Variants in ZNF385D observed in about 807,000 individuals in gnomAD.
ZNF385D encodes zinc finger protein 385D.
A neutral mutation model predicts 35.8 loss-of-function variants in ZNF385D; 15 were observed. That is an observed-to-expected ratio of 0.42 (90% CI 0.28 to 0.64). The LOEUF (loss-of-function observed/expected upper bound fraction) is 0.64, where lower values mean the gene tolerates loss of function less well. Ranked by LOEUF, ZNF385D falls within the 30% of genes least tolerant of loss-of-function variation. ZNF385D has a pLI of 0.23. For synonymous variants in ZNF385D, 212 were observed against 186.8 expected (o/e 1.13, Z -1.10); for missense variants, 474 against 494.6 (o/e 0.96, Z 0.39).
chr3:21,818,386 G>C (rs1428380636), intron 3 of ZNF385D, among the ~76,000 whole-genome samples: 1 of 152,162 alleles, frequency 6.6e-6, no homozygotes, highest in Admixed American at 6.5e-5. Flanking sequence ...TCCCCTGTTT[G>C]CAACTTGATT....
intron 3 of ZNF385D, among the ~76,000 whole-genome samples, chr3:21,809,651 CA>C (rs1383447032): frequency 8.8e-6 from 1 of 113,400 alleles, no homozygotes; most frequent in African/African-American, 3.1e-5. Context: ...TATACATATA[CA>C]TATACATATA....
At chr3:21,595,103 A>T (rs1410197302) in intron 2 of ZNF385D, among the ~76,000 whole-genome samples, 1 of 152,204 alleles carries the variant, frequency 6.6e-6, no homozygotes, top group African/African-American at 2.4e-5. Context: ...CCTGTAAAAC[A>T]TGCTTACCAG....
intron 4 of ZNF385D, among the ~76,000 whole-genome samples, chr3:21,510,526 A>G (rs141502405): frequency 6.6e-6 from 1 of 152,318 alleles, no homozygotes; most frequent in East Asian, 1.9e-4. Flanking sequence ...GTTATAAGCT[A>G]AGGTGCTGCA....
At chr3:21,954,790 C>T (rs1485103871) in intron 3 of ZNF385D, among the ~76,000 whole-genome samples, 1 of 152,106 alleles carries the variant, frequency 6.6e-6, no homozygotes, top group Non-Finnish European at 1.5e-5. Context: ...GACATCCCCA[C>T]CCTCACTTCC....
intron 3 of ZNF385D, among the ~76,000 whole-genome samples, chr3:22,058,870 T>G (rs979039833): frequency 6.6e-6 from 1 of 152,218 alleles, no homozygotes; most frequent in African/African-American, 2.4e-5. Flanking sequence ...TGGGGACCAC[T>G]ATCCACCTCC....
chr3:21,544,738 TTC>T (rs2062310935), intron 3 of ZNF385D, among the ~76,000 whole-genome samples: 2 of 152,218 alleles, frequency 1.3e-5, no homozygotes, highest in Admixed American at 6.5e-5. Flanking sequence ...TCTTTAAAAT[TTC>T]TGAGTCATCA....
chr3:22,003,329 G>A (rs949690687), intron 3 of ZNF385D, among the ~76,000 whole-genome samples: 1 of 151,988 alleles, frequency 6.6e-6, no homozygotes, highest in Non-Finnish European at 1.5e-5. Flanking sequence ...ATTTACAATA[G>A]CTGCAAAAAA....
intron 3 of ZNF385D, among the ~76,000 whole-genome samples, chr3:22,005,495 C>A (rs1430403084): frequency 8.6e-5 from 13 of 151,848 alleles, no homozygotes; most frequent in Non-Finnish European, 4.4e-5. Flanking sequence ...AGAAAAGATT[C>A]GAAATATTTT....
intron 3 of ZNF385D, among the ~76,000 whole-genome samples, chr3:22,100,418 G>C (rs1382493230): frequency 2.7e-5 from 4 of 150,288 alleles, no homozygotes; most frequent in Non-Finnish European, 5.9e-5. Flanking sequence ...CAATAGCAAA[G>C]ACTTGGAACC....
At chr3:22,316,394 G>A (rs1475162779) in intron 2 of ZNF385D, among the ~76,000 whole-genome samples, 1 of 152,110 alleles carries the variant, frequency 6.6e-6, no homozygotes, top group South Asian at 2.1e-4. Flanking sequence ...AATAAAGTAG[G>A]TCTTTCTTTA....
chr3:22,146,120 G>A (rs142370753), intron 3 of ZNF385D, among the ~76,000 whole-genome samples: 39 of 152,228 alleles, frequency 2.6e-4, no homozygotes, highest in African/African-American at 8.2e-4. Flanking sequence ...TACTTCAGGA[G>A]TCATGCAAAC....
chr3:21,847,916 T>C (rs887682556), intron 3 of ZNF385D, among the ~76,000 whole-genome samples: 13 of 152,026 alleles, frequency 8.6e-5, no homozygotes, highest in Admixed American at 2.6e-4. Flanking sequence ...CACCATGTCG[T>C]GCAGCAGATA....
At chr3:22,025,448 A>G (rs1034412356) in intron 3 of ZNF385D, among the ~76,000 whole-genome samples, 3 of 152,124 alleles carry the variant, frequency 2.0e-5, no homozygotes, top group African/African-American at 4.8e-5. Context: ...TCTCTAATCT[A>G]TATAAACAGC....
rs537183806 is a variant in ZNF385D, at chr3:21,604,332, A to G, written c.166-39648T>C. ...CAGAAACAAATGAAATTGACTGCCA[A>G]TGTGAAGAAAGACATTCGCTTTGTT... On this transcript the variant is annotated intron_variant, in intron 2 of 7. Transcript: ENST00000281523. Among the ~76,000 whole-genome samples the G allele has an allele frequency of 4.6e-5, 7 of 152,344 alleles. No homozygotes were observed. In the South Asian group the frequency reaches 8.3e-4, roughly 18 times the overall value.
At chr3:21,932,436 G>T (rs1701060233) in intron 3 of ZNF385D, among the ~76,000 whole-genome samples, 1 of 151,672 alleles carries the variant, frequency 6.6e-6, no homozygotes, top group African/African-American at 2.4e-5. Context: ...TTTAAGTGAT[G>T]CTCAACATTG....
chr3:21,877,950 C>T (rs1698069837), intron 3 of ZNF385D: 1 of 151,958 alleles, frequency 6.6e-6, no homozygotes, highest in South Asian at 2.1e-4. Context: ...ATTACAACAG[C>T]AATGAAGATT....
intron 3 of ZNF385D, among the ~76,000 whole-genome samples, chr3:21,841,721 C>T (rs1392675027): frequency 6.6e-6 from 1 of 151,868 alleles, no homozygotes; most frequent in Non-Finnish European, 1.5e-5. Context: ...AAATTACACA[C>T]ACTTTTCATT....
intron 2 of ZNF385D, among the ~76,000 whole-genome samples, chr3:22,196,552 T>C (rs1696427765): frequency 1.3e-5 from 2 of 152,036 alleles, no homozygotes; most frequent in Non-Finnish European, 2.9e-5. Flanking sequence ...GTTGATAATA[T>C]TGTGGTTTAT....
chr3:21,707,712 A>T (rs2067958853), intron 1 of ZNF385D, among the ~76,000 whole-genome samples: 2 of 152,214 alleles, frequency 1.3e-5, no homozygotes, highest in Non-Finnish European at 1.5e-5. Flanking sequence ...ATTTATACTG[A>T]AAGTGAGATC....
Sources: gnomAD v4.1 joint callset for allele counts (sites outside exome capture counted in the v4.1 genomes callset) on GRCh38, gnomAD v4.1.1 for gene constraint, MANE v1.5 for transcripts, NCBI Gene and HGNC (gene_info 2026-07-23, HGNC 2026-07-21) for gene names.